The following ALDH3B1 variants were observed in gnomAD, a reference collection of about 807,000 sequenced individuals.
The protein encoded by ALDH3B1 is aldehyde dehydrogenase family 3 member B1.
ALDH3B1 carries 37 observed loss-of-function variants against 46.2 expected under a neutral mutation model. The ratio of observed to expected loss-of-function variants is 0.80; its 90% CI spans 0.62 to 1.05. The LOEUF is 1.05. Among genes scored for constraint, ALDH3B1 ranks in the 50% least tolerant of loss-of-function variants. ALDH3B1 has a pLI of 0.00. For synonymous variants in ALDH3B1, 283 were observed against 281.0 expected, an observed-to-expected ratio of 1.01 and a Z score of -0.07; for missense variants, 603 against 665.5, an observed-to-expected ratio of 0.91 and a Z score of 1.03.
chr11:68,022,791 A>G, intron 8 of ALDH3B1, 30 bp downstream of exon 8: 1 of 1,612,464 alleles, frequency 6.2e-7, no homozygotes. Context: ...GGGCAGGGTC[A>G]GGAGCCCGCA....
intron 7 of ALDH3B1, 75 bp from the exon 8 acceptor site, chr11:68,022,520 G>A: frequency 1.3e-6 from 2 of 1,496,140 alleles, no homozygotes; most frequent in Non-Finnish European, 1.8e-6. Context: ...CTGTGGCCCT[G>A]TCCCCACCTC....
At chr11:68,021,924 T>G (rs1857511027) in intron 7 of ALDH3B1, 53 bp downstream of exon 7, 2 of 1,540,672 alleles carry the variant, frequency 1.3e-6, no homozygotes, top group Non-Finnish European at 1.7e-6. Flanking sequence ...CCCTCCTCAC[T>G]GGAGGGCCCA....
intron 6 of ALDH3B1, among the ~76,000 whole-genome samples, chr11:68,020,533 C>A (rs1186886373): frequency 2.0e-5 from 3 of 152,226 alleles, no homozygotes; most frequent in Non-Finnish European, 1.5e-5. Flanking sequence ...CCACACCCGG[C>A]TTCGAGTTTT....
intron 2 of ALDH3B1, chr11:68,015,948 C>A (rs1442035672): frequency 3.5e-6 from 1 of 282,090 alleles, no homozygotes; most frequent in Non-Finnish European, 7.0e-6. Context: ...CACCTGTAAT[C>A]CCAGCTACTC....
In ALDH3B1 at chr11:68,026,654, C is replaced by A. The variant is rs151232165; in HGVS notation, c.1216+546C>A. Reference sequence around the variant, plus strand: ...CAGGAAGCCTCAGAGATGGTCCTAGCAACACGCTGAAGGCCCTGTGGCCCA... The same window carrying A: ...CAGGAAGCCTCAGAGATGGTCCTAGAAACACGCTGAAGGCCCTGTGGCCCA... On this transcript the variant is annotated intron_variant, in intron 9 of 9. Coordinates refer to ENST00000342456, the MANE Select transcript of ALDH3B1 (RefSeq NM_000694.4). Among the ~76,000 whole-genome samples the A allele has an allele frequency of 2.8e-3, 434 of 152,302 alleles. 1 individual carries two copies. The Middle Eastern group carries it at 0.041, about 14-fold the overall frequency.
At chr11:68,022,291 G>A (rs1166459204) in intron 7 of ALDH3B1, among the ~76,000 whole-genome samples, 1 of 152,164 alleles carries the variant, frequency 6.6e-6, no homozygotes, top group African/African-American at 2.4e-5. Context: ...CAACATTCTG[G>A]GACGCTGTTG....
intron 7 of ALDH3B1, 27 bp from the exon 8 acceptor site, chr11:68,022,568 G>A (rs752600839): frequency 1.9e-6 from 3 of 1,611,382 alleles, no homozygotes; most frequent in Non-Finnish European, 2.5e-6. Flanking sequence ...TGTGGCCCCA[G>A]GGCTGAGCTG....
chr11:68,022,493 T>C lies in ALDH3B1; in HGVS notation c.950-102T>C, dbSNP rs186667153. The C allele has an allele frequency of 3.4e-6, 5 of 1,449,442 alleles. No homozygotes were observed. In the Admixed American group the frequency reaches 9.5e-5, roughly 27 times the overall value. 89.8% of individuals were successfully genotyped at this position (1,449,442 alleles called of 1,614,324 possible). ...CTTGGGAAGTCAGACCTTGGGATCCTGGCCTAGAGCCCTGGCCTGTGGCCC... is the reference window on the plus strand; with the variant it reads ...CTTGGGAAGTCAGACCTTGGGATCCCGGCCTAGAGCCCTGGCCTGTGGCCC... On this transcript the variant is annotated intron_variant, in intron 7 of 9. Coordinates refer to ENST00000342456, the MANE Select transcript of ALDH3B1 (RefSeq NM_000694.4).
intron 9 of ALDH3B1, among the ~76,000 whole-genome samples, chr11:68,026,884 C>A (rs865966945): frequency 6.6e-6 from 1 of 152,172 alleles, no homozygotes; most frequent in South Asian, 2.1e-4. Context: ...TGGCTCGGCT[C>A]GAGTTTGGGC....
At chr11:68,015,175 G>C (rs1037324011) in intron 1 of ALDH3B1, 122 bp from the exon 2 acceptor site, 25 of 1,067,880 alleles carry the variant, frequency 2.3e-5, no homozygotes, top group Middle Eastern at 6.3e-4. Flanking sequence ...ATAAGGTAGA[G>C]GTGTCTGCAA....
At position 68,021,684 on chromosome 11, in the gene ALDH3B1, T is replaced by G; in HGVS notation, c.762T>G (p.Pro254=). The part of the protein sequence containing the change: ...CVAPDYVLCS[P]EMQERLLPAL... ...CCCCCGACTACGTCCTATGCAGCCC[T>G]GAGATGCAGGAGAGGCTGCTGCCTG... Residue 254 remains proline (P), a synonymous_variant, in exon 7 of 10, where the codon CCT becomes CCG. Coordinates refer to ENST00000342456, the MANE Select transcript of ALDH3B1 (RefSeq NM_000694.4). 6.2e-7 allele frequency: 1 copy of G among 1,613,810 alleles called. No individual in the cohort carries two copies. Among genetic ancestry groups the G allele is most frequent in the East Asian group, 2.2e-5 (1 of 44,848 alleles).
At chr11:68,012,284 GGGCACCC>G (rs1857249317) in intron 1 of ALDH3B1, among the ~76,000 whole-genome samples, 1 of 152,190 alleles carries the variant, frequency 6.6e-6, no homozygotes, top group Non-Finnish European at 1.5e-5. Flanking sequence ...CGGAGCCTGT[GGGCACCC>G]ACAGCGAGCA....
chr11:68,025,703 C>T (rs570595262), intron 8 of ALDH3B1, among the ~76,000 whole-genome samples: 1 of 152,302 alleles, frequency 6.6e-6, no homozygotes, highest in South Asian at 2.1e-4. Context: ...CCACTACACC[C>T]TCCATGTCCC....
At chr11:68,019,862 C>T (rs1857449622) in intron 6 of ALDH3B1, 66 bp downstream of exon 6, 3 of 1,533,730 alleles carry the variant, frequency 2.0e-6, no homozygotes, top group East Asian at 2.3e-5. Context: ...GGGTCCTGTC[C>T]CTAACTCTGG....
At chr11:68,018,446 C>G (rs1227182277) in intron 2 of ALDH3B1, 81 bp from the exon 3 acceptor site, 5 of 1,036,682 alleles carry the variant, frequency 4.8e-6, no homozygotes, top group Non-Finnish European at 7.2e-6. Context: ...GTTGTGGAAG[C>G]AGGCCCTGCC....
chr11:68,011,076 G>A (rs1390640382), intron 1 of ALDH3B1, among the ~76,000 whole-genome samples: 1 of 152,210 alleles, frequency 6.6e-6, no homozygotes, highest in African/African-American at 2.4e-5. Context: ...AGCTTTGGGA[G>A]GCCTCATGAA....
At chr11:68,012,824 C>T (rs1857261797) in intron 1 of ALDH3B1, among the ~76,000 whole-genome samples, 1 of 152,156 alleles carries the variant, frequency 6.6e-6, no homozygotes, top group African/African-American at 2.4e-5. Flanking sequence ...GGATAGCCTT[C>T]TGCTCTTCTG....
rs766618128 is a variant in ALDH3B1 at position 68,018,540 on chromosome 11, C to T, written c.176C>T (p.Ser59Leu). The change falls in exon 3 of 10, where the codon TCG becomes TTG. Residue 59 changes from serine to leucine, a missense_variant. Physicochemically the swap from Ser to Leu is moderately radical, Grantham distance 145. Coordinates refer to ENST00000342456, the MANE Select transcript of ALDH3B1 (RefSeq NM_000694.4). ...CACTTCCTGCAGTCAGCCTTCGAGT[C>T]GGAGGTGTCTGAGGTTGCCATCAGC... Reference protein sequence around the residue: ...AQDLHKSAFESEVSEVAISQG... With the variant: ...AQDLHKSAFELEVSEVAISQG... The T allele has an allele frequency of 1.4e-5, 22 of 1,571,690 alleles. 1 individual carries two copies. In the East Asian group the frequency reaches 2.6e-4, roughly 19 times the overall value.
At chr11:68,021,372 G>GGCT in intron 6 of ALDH3B1, 113 bp from the exon 7 acceptor site, 2 of 1,474,936 alleles carry the variant, frequency 1.4e-6, no homozygotes, top group Non-Finnish European at 1.8e-6. Context: ...GCCAGGCGAG[G>GGCT]GCTGCTGCCC....
Sources: gnomAD v4.1 joint callset for allele counts (sites outside exome capture counted in the v4.1 genomes callset) on GRCh38, gnomAD v4.1.1 for gene constraint, MANE v1.5 for transcripts, NCBI Gene and HGNC (gene_info 2026-07-23, HGNC 2026-07-21) for gene names.